NUP188: variants seen among roughly 807,000 people sequenced by gnomAD.
The protein encoded by NUP188 is nucleoporin NUP188.
In NUP188, 97 loss-of-function variants were observed where a neutral mutation model predicts 223.0. That is an observed-to-expected ratio of 0.43 (90% confidence interval 0.37 to 0.51). The LOEUF (loss-of-function observed/expected upper bound fraction) is 0.51, where lower values mean the gene tolerates loss of function less well. Among genes scored for constraint, NUP188 ranks in the 20% least tolerant of loss-of-function variants. The pLI, the probability that NUP188 is intolerant of heterozygous loss-of-function variation, is 0.00. For synonymous variants in NUP188, 869 were observed against 828.0 expected (o/e 1.05, Z -0.85); for missense variants, 1,947 against 2,175.6 (o/e 0.89, Z 2.09).
rs537438859 is a variant in NUP188 at position 129,006,314 on chromosome 9, G to A, written c.5019G>A (p.Pro1673=). 22 of 1,614,150 alleles carry A rather than the reference G, an allele frequency of 1.4e-5. No individual in the cohort carries two copies. Among genetic ancestry groups the A allele is most frequent in the African/African-American group, 5.3e-5 (4 of 75,026 alleles). Residue 1673 remains proline (P), a synonymous_variant, in exon 43 of 44, where the codon CCG becomes CCA. Coordinates refer to ENST00000372577, the MANE Select transcript of NUP188 (RefSeq NM_015354.3). Reference sequence around the variant, plus strand: ...AGGCGATGCGGTACCTTAGGGACCCGGCTGTGCACCCCCGGGACAAACAGC... The same window carrying A: ...AGGCGATGCGGTACCTTAGGGACCCAGCTGTGCACCCCCGGGACAAACAGC... ...ISQAMRYLRD[P]AVHPRDKQRM...
intron 17 of NUP188, 83 bp downstream of exon 17, chr9:128,983,111 A>G (rs1287967565): frequency 1.3e-6 from 2 of 1,563,032 alleles, no homozygotes; most frequent in Admixed American, 3.4e-5. Context: ...CTGGACACAT[A>G]CCCACTGGGT....
chr9:128,998,759 A>G (rs755105939), intron 32 of NUP188, 136 bp downstream of exon 32: 7 of 697,624 alleles, frequency 1.0e-5, no homozygotes, highest in Admixed American at 6.3e-5. Flanking sequence ...GACATAGCAG[A>G]TAGGAGGGTG....
rs149318279 is a variant in NUP188 at position 129,003,377 on chromosome 9, G to A, written c.4357G>A (p.Val1453Met). 25 of 1,613,470 alleles carry A rather than the reference G, an allele frequency of 1.5e-5. No homozygotes were observed. Among genetic ancestry groups the A allele is most frequent in the Middle Eastern group, 1.7e-4 (1 of 6,014 alleles). Residue 1453 changes from valine to methionine, a missense_variant, in exon 38 of 44, where the codon GTG becomes ATG. Transcript: ENST00000372577. ...LACLEEADHT[V>M]GFILQLSNFM... ...CTGCCTGGAGGAGGCGGACCACACC[G>A]TGGGTTTTATTCTGCAGCTCTCTAA... is the stretch of plus-strand genomic sequence containing the variant.
rs545470873 is a variant in NUP188, at chr9:128,954,975, C to T, written c.162-1375C>T. Among the ~76,000 whole-genome samples, 9 of 152,072 alleles carry T rather than the reference C, an allele frequency of 5.9e-5. No individual in the cohort carries two copies. In the South Asian group the frequency reaches 1.5e-3, roughly 25 times the overall value. ...TTCAAGCAATTCTGTCTCAGCCTCCCGAGTAGCTGGGACTACAGGTGCATG... is the reference window on the plus strand; with the variant it reads ...TTCAAGCAATTCTGTCTCAGCCTCCTGAGTAGCTGGGACTACAGGTGCATG... On this transcript the variant is annotated intron_variant, in intron 3 of 43. Transcript: ENST00000372577.
chr9:129,002,869 A>G lies in NUP188; in HGVS notation c.4190A>G (p.Tyr1397Cys), dbSNP rs529438042. The change falls in exon 37 of 44, where the codon TAC (tyrosine) becomes TGC (cysteine). Residue 1397 changes from tyrosine to cysteine, a missense_variant. Transcript: ENST00000372577. ...GATGCCCCCTCTTGGCCAGGAGTCT[A>G]CCGCCTGTCCATGTCCCTGATGGAG... is the stretch of plus-strand genomic sequence containing the variant. ...SLDAPSWPGV[Y>C]RLSMSLMEQL... is the part of the protein sequence containing the mutation. 1.9e-6 allele frequency: 3 copies of G among 1,614,142 alleles called. No homozygotes were observed. The highest frequency in any genetic ancestry group is 1.3e-5 in the African/African-American group (1 of 75,034).
In NUP188 at chr9:128,970,831, T is replaced by C. The variant is rs1228130580; in HGVS notation, c.986T>C (p.Leu329Pro). The change falls in exon 11 of 44, where the codon CTC becomes CCC. Residue 329 changes from leucine (L) to proline (P), a missense_variant. Leu to Pro is a moderately conservative substitution (Grantham distance 98, BLOSUM62 -3). Coordinates refer to ENST00000372577, the MANE Select transcript of NUP188 (RefSeq NM_015354.3). Reference sequence around the variant, plus strand: ...CCAGTGCTTTTGGCCTGGGCTCTCCTCCGTCACACTCTGAACCCAGAAGAG... The same window carrying C: ...CCAGTGCTTTTGGCCTGGGCTCTCCCCCGTCACACTCTGAACCCAGAAGAG... ...HAPVLLAWAL[L>P]RHTLNPEETS... is the part of the protein sequence containing the mutation. The C allele has an allele frequency of 6.2e-7, 1 of 1,614,160 alleles. No homozygotes were observed. The highest frequency in any genetic ancestry group is 1.7e-5 in the Admixed American group (1 of 60,014).
At chr9:128,984,212 C>T (rs1402505018) in intron 19 of NUP188, among the ~76,000 whole-genome samples, 3 of 149,020 alleles carry the variant, frequency 2.0e-5, no homozygotes, top group East Asian at 2.0e-4. Context: ...CCACAACCTC[C>T]GCCTCCCAGG....
In NUP188 at chr9:129,002,969, C is replaced by T. The variant is rs1464249173; in HGVS notation, c.4290C>T (p.Thr1430=). ...LDFVGVHQER[T]LQCLNAVRTV... Reference sequence around the variant, plus strand: ...TCGTGGGTGTCCACCAGGAGCGGACCTTACAGGTGAGGGGCTGCCTGCATT... The same window carrying T: ...TCGTGGGTGTCCACCAGGAGCGGACTTTACAGGTGAGGGGCTGCCTGCATT... The change falls in exon 37 of 44, where the codon ACC becomes ACT. Residue 1430 remains threonine (T), a synonymous_variant. Coordinates refer to ENST00000372577, the MANE Select transcript of NUP188 (RefSeq NM_015354.3). The T allele has an allele frequency of 3.1e-6, 5 of 1,614,006 alleles. No individual in the cohort carries two copies. In the Admixed American group the frequency reaches 8.3e-5, roughly 27 times the overall value.
In NUP188 at chr9:128,969,347, T is replaced by C. The variant is rs1462071946; in HGVS notation, c.798-53T>C. The C allele has an allele frequency of 1.6e-5, 18 of 1,124,726 alleles. No individual in the cohort carries two copies. The East Asian group carries it at 3.3e-4, about 21-fold the overall frequency. 69.7% of individuals were successfully genotyped at this position (1,124,726 alleles called of 1,614,324 possible). A position where few individuals can be genotyped will look rare whatever the true frequency, so the allele number is the denominator to read the frequency against. On this transcript the variant is annotated intron_variant, in intron 9 of 43. Transcript: ENST00000372577. Reference sequence around the variant, plus strand: ...GTGTCTTATATCTCACCTTTGTCTCTAGTGAGTTTCAGAACGGGATATATA... The same window carrying C: ...GTGTCTTATATCTCACCTTTGTCTCCAGTGAGTTTCAGAACGGGATATATA...
intron 2 of NUP188, among the ~76,000 whole-genome samples, chr9:128,952,393 C>T (rs149723789): frequency 0.046 from 5,808 of 126,580 alleles, 396 homozygotes; most frequent in African/African-American, 0.16. Context: ...AGTGAGACTC[C>T]GTCTCAAAAA....
intron 27 of NUP188, 28 bp from the exon 28 acceptor site, chr9:128,994,345 T>A (rs370251984): frequency 6.6e-7 from 1 of 1,524,924 alleles, no homozygotes; most frequent in Non-Finnish European, 9.1e-7. Flanking sequence ...GAAAAAGTTA[T>A]GATTTCAAAC....
rs1481288859 is a variant in NUP188, at chr9:128,958,842, G to A, written c.413G>A (p.Arg138His). Residue 138 changes from arginine (R) to histidine (H), a missense_variant, in exon 7 of 44, where the codon CGT becomes CAT. Physicochemically the swap from Arg to His is conservative, Grantham distance 29 (BLOSUM62 0). Transcript: ENST00000372577. ...TATGAAGAAAGAACCTGTATTCTTCGTTGTGTCTTACACCTTCTCACTTAC... is the reference window on the plus strand; with the variant it reads ...TATGAAGAAAGAACCTGTATTCTTCATTGTGTCTTACACCTTCTCACTTAC... The part of the protein sequence containing the change: ...YYYEERTCIL[R>H]CVLHLLTYFQ... 1.4e-5 allele frequency: 22 copies of A among 1,598,224 alleles called. No homozygotes were observed. The highest frequency in any genetic ancestry group is 4.5e-5 in the East Asian group (2 of 44,720).
chr9:128,990,030 A>G lies in NUP188; in HGVS notation c.2534-90A>G, dbSNP rs1434825446. The G allele has an allele frequency of 9.1e-6, 9 of 991,474 alleles. 1 individual carries two copies. Among genetic ancestry groups the G allele is most frequent in the South Asian group, 7.9e-5 (6 of 76,044 alleles). 61.4% of individuals were successfully genotyped at this position (991,474 alleles called of 1,614,324 possible). ...TACTTGAGGGTAAATTCCTTCACAT[A>G]CACACTGTGGGTCTTTTTTGAACAG... On this transcript the variant is annotated intron_variant, in intron 24 of 43. Coordinates refer to ENST00000372577, the MANE Select transcript of NUP188 (RefSeq NM_015354.3).
rs1300305435 is a variant in NUP188, at chr9:128,998,232, AGT to A, written c.3429+9_3429+10del. On this transcript the variant is annotated splice_donor_5th_base_variant and intron_variant, in intron 31 of 43. Transcript: ENST00000372577. ...GCTTGATGGAACCAAAGCATTAGTA[AGT>A]GTGTCTGGGAGATTTTACATTTCTC... 1.2e-6 allele frequency: 2 copies of A among 1,611,048 alleles called. No homozygotes were observed. Among genetic ancestry groups the A allele is most frequent in the African/African-American group, 1.3e-5 (1 of 74,848 alleles).
intron 38 of NUP188, chr9:129,004,865 G>A (rs1298669968): frequency 3.9e-6 from 2 of 512,478 alleles, no homozygotes; most frequent in Middle Eastern, 5.2e-4. Context: ...CAGGGAGACA[G>A]TCCAGTCCTG....
chr9:128,964,536 ATTTTTTT>A (rs61518157), intron 8 of NUP188, among the ~76,000 whole-genome samples: 3 of 122,872 alleles, frequency 2.4e-5, no homozygotes, highest in Non-Finnish European at 5.1e-5. Context: ...TAATTTTTGT[ATTTTTTT>A]TTTTTTTTTT....
Position 128,994,915 on chromosome 9 carries a change from T to C in NUP188, c.3147T>C (p.Tyr1049=). The C allele has an allele frequency of 2.5e-6, 4 of 1,608,758 alleles. No individual in the cohort carries two copies. Among genetic ancestry groups the C allele is most frequent in the Non-Finnish European group, 3.4e-6 (4 of 1,175,132 alleles). Residue 1049 remains tyrosine, a synonymous_variant, in exon 29 of 44, where the codon TAT becomes TAC. Transcript: ENST00000372577. ...AGATAATTTGCTTGGAGATATACTATGTAGTAAAGTGAGTACTTTCCCCTC... is the reference window on the plus strand; with the variant it reads ...AGATAATTTGCTTGGAGATATACTACGTAGTAAAGTGAGTACTTTCCCCTC... ...IMKIICLEIY[Y]VVKGSLDQSL...
chr9:128,954,212 A>G (rs917535139), intron 3 of NUP188, among the ~76,000 whole-genome samples: 1 of 151,408 alleles, frequency 6.6e-6, no homozygotes, highest in African/African-American at 2.4e-5. Flanking sequence ...AGCTGTGACA[A>G]TGTCTTAGTC....
intron 1 of NUP188, chr9:128,948,968 G>C: frequency 5.4e-6 from 2 of 371,484 alleles, no homozygotes; most frequent in Non-Finnish European, 9.9e-6. Flanking sequence ...CTCATGATCC[G>C]CCCGCCTCGA....
Sources: gnomAD v4.1 joint callset for allele counts (sites outside exome capture counted in the v4.1 genomes callset) on GRCh38, gnomAD v4.1.1 for gene constraint, MANE v1.5 for transcripts, NCBI Gene and HGNC (gene_info 2026-07-23, HGNC 2026-07-21) for gene names.